Variants in TPST2 observed in about 807,000 individuals in gnomAD.
TPST2 encodes the protein tyrosylprotein sulfotransferase 2.
TPST2 carries 16 observed loss-of-function variants against 27.8 expected under a neutral mutation model. That is an observed-to-expected ratio of 0.58 (90% CI 0.39 to 0.88). TPST2 has a LOEUF of 0.88. Ranked by LOEUF, TPST2 falls within the 40% of genes least tolerant of loss-of-function variation. The probability of loss-of-function intolerance (pLI) is 0.00; values close to 1 mark genes in which losing one functional copy is unlikely to be tolerated. For missense variants in TPST2, 464 were observed against 543.1 expected (o/e 0.85, Z 1.45); for synonymous variants, 229 against 231.7 (o/e 0.99, Z 0.10).
At chr22:26,579,829 T>C (rs1928021443) in intron 1 of TPST2, among the ~76,000 whole-genome samples, 1 of 129,300 alleles carries the variant, frequency 7.7e-6, no homozygotes, top group African/African-American at 3.0e-5. Context: ...AGGATGTAGA[T>C]GGGGAGAGAG....
chr22:26,546,755 G>A (rs1926147867), intron 1 of TPST2, among the ~76,000 whole-genome samples: 1 of 152,256 alleles, frequency 6.6e-6, no homozygotes, highest in Admixed American at 6.5e-5. Flanking sequence ...AGTGGCTACT[G>A]TACTGGACAG....
intron 1 of TPST2, chr22:26,555,397 C>G: frequency 2.7e-6 from 1 of 372,868 alleles, no homozygotes; most frequent in East Asian, 7.3e-5. Context: ...GTTGGACAGA[C>G]CCAGGCGATC....
At chr22:26,534,953 T>G (rs1340327683) in intron 4 of TPST2, among the ~76,000 whole-genome samples, 1 of 152,186 alleles carries the variant, frequency 6.6e-6, no homozygotes, top group East Asian at 1.9e-4. Flanking sequence ...ACGTTGAATC[T>G]CTGAGTATTT....
At chr22:26,555,147 G>C in intron 1 of TPST2, 1 of 532,130 alleles carries the variant, frequency 1.9e-6, no homozygotes, top group Non-Finnish European at 3.8e-6. Flanking sequence ...ACGTGGAGCT[G>C]AGGGAATTTG....
intron 1 of TPST2, among the ~76,000 whole-genome samples, chr22:26,545,007 G>A (rs1298202757): frequency 1.3e-5 from 2 of 152,126 alleles, no homozygotes; most frequent in African/African-American, 2.4e-5. Context: ...TGGACTCCAG[G>A]AAAAGTAAAT....
At chr22:26,583,616 G>A (rs1403974836) in intron 1 of TPST2, among the ~76,000 whole-genome samples, 1 of 151,844 alleles carries the variant, frequency 6.6e-6, no homozygotes, top group Non-Finnish European at 1.5e-5. Flanking sequence ...AGCACTTTGG[G>A]AGGCCAAGGC....
At chr22:26,569,689 C>T (rs1454040578) in intron 1 of TPST2, among the ~76,000 whole-genome samples, 2 of 150,866 alleles carry the variant, frequency 1.3e-5, no homozygotes, top group Admixed American at 6.6e-5. Flanking sequence ...GTGGCTCATG[C>T]CTGTAATCCC....
At chr22:26,583,701 G>A (rs895062362) in intron 1 of TPST2, among the ~76,000 whole-genome samples, 5 of 151,878 alleles carry the variant, frequency 3.3e-5, no homozygotes, top group Admixed American at 1.3e-4. Flanking sequence ...TTAGCTGGGC[G>A]TGGTGGCATG....
intron 1 of TPST2, among the ~76,000 whole-genome samples, chr22:26,581,917 A>G (rs796233193): frequency 1.3e-5 from 2 of 152,230 alleles, no homozygotes; most frequent in South Asian, 4.1e-4. Context: ...CAGCAGCCAC[A>G]GACAAAATGT....
intron 6 of TPST2, among the ~76,000 whole-genome samples, chr22:26,526,995 T>C (rs1261451285): frequency 6.6e-6 from 1 of 152,128 alleles, no homozygotes; most frequent in African/African-American, 2.4e-5. Flanking sequence ...CGAGAGTCAC[T>C]TGAACCCCAG....
At chr22:26,530,242 GTGT>G (rs1925077826) in intron 5 of TPST2, among the ~76,000 whole-genome samples, 1 of 152,034 alleles carries the variant, frequency 6.6e-6, no homozygotes, top group South Asian at 2.1e-4. Flanking sequence ...CAACTCCTGC[GTGT>G]TGCCTTTTTT....
At chr22:26,527,771 C>T (rs986700525) in intron 6 of TPST2, among the ~76,000 whole-genome samples, 7 of 152,330 alleles carry the variant, frequency 4.6e-5, no homozygotes, top group South Asian at 2.1e-4. Flanking sequence ...CCTGGCCCAA[C>T]GGCCATGGGG....
At chr22:26,568,396 C>T (rs1056909593) in intron 1 of TPST2, among the ~76,000 whole-genome samples, 3 of 152,162 alleles carry the variant, frequency 2.0e-5, no homozygotes, top group African/African-American at 7.2e-5. Context: ...GGGTTGCATT[C>T]CCAAGAGGTC....
At chr22:26,572,656 G>A (rs972846858) in intron 1 of TPST2, among the ~76,000 whole-genome samples, 4 of 152,006 alleles carry the variant, frequency 2.6e-5, no homozygotes, top group Admixed American at 2.6e-4. Flanking sequence ...ACCCTCCTAT[G>A]TCTCACAGTC....
chr22:26,544,280 C>T (rs112937747), intron 2 of TPST2, among the ~76,000 whole-genome samples: 3,356 of 152,256 alleles, frequency 0.022, 123 homozygotes, highest in African/African-American at 0.077. Flanking sequence ...GACACAACAG[C>T]GTTTGGGTTC....
At chr22:26,587,247 C>T (rs1008903374) in intron 1 of TPST2, among the ~76,000 whole-genome samples, 5 of 152,180 alleles carry the variant, frequency 3.3e-5, no homozygotes, top group South Asian at 4.1e-4. Flanking sequence ...TGGGAAGATC[C>T]GAGCAGCTTC....
rs780280233 is a variant in TPST2, at chr22:26,541,195, C to A, written c.436G>T (p.Ala146Ser). 1 of 1,588,652 alleles carries A rather than the reference C, an allele frequency of 6.3e-7. No homozygotes were observed. Among genetic ancestry groups the A allele is most frequent in the South Asian group, 1.2e-5 (1 of 86,692 alleles). ...ACGCGGGCCGGCTCTCCGTGCTTGG[C>A]AATCACCTCCAGGATGAAGGCCTGC... The part of the protein sequence containing the change: ...AMQAFILEVI[A>S]KHGEPARVLC... The change falls in exon 3 of 7, where the codon GCC (alanine) becomes TCC (serine). Residue 146 changes from alanine to serine, a missense_variant. Transcript: ENST00000338754. The surrounding 1 kb of genome is among the most constrained non-coding windows in gnomAD (Gnocchi z 5.9).
At chr22:26,578,053 T>C (rs1302989595) in intron 1 of TPST2, among the ~76,000 whole-genome samples, 1 of 152,214 alleles carries the variant, frequency 6.6e-6, no homozygotes, top group Non-Finnish European at 1.5e-5. Context: ...TCAAAATGTA[T>C]TATTATCTTT....
chr22:26,536,304 A>C lies in TPST2; in HGVS notation c.1025T>G (p.Ile342Ser), dbSNP rs1925460862. Residue 342 changes from isoleucine (I) to serine (S), a missense_variant, in exon 4 of 7, where the codon ATC (isoleucine) becomes AGC (serine). Transcript: ENST00000338754. The stretch of plus-strand genomic sequence containing the variant: ...CACACTCACCCGCTGTGTGTTGTTG[A>C]TGACGAAGGGGTCAGGGTTGCCATA... Reference protein sequence around the residue: ...PNYGNPDPFVINNTQRVLKGD... With the variant: ...PNYGNPDPFVSNNTQRVLKGD... 6.2e-7 allele frequency: 1 copy of C among 1,614,140 alleles called. No individual in the cohort carries two copies. Among genetic ancestry groups the C allele is most frequent in the Admixed American group, 1.7e-5 (1 of 60,022 alleles).
Sources: gnomAD v4.1 joint callset for allele counts (sites outside exome capture counted in the v4.1 genomes callset) on GRCh38, gnomAD v4.1.1 for gene constraint, Gnocchi (gnomAD v3.1) non-coding constraint, MANE v1.5 for transcripts, NCBI Gene and HGNC (gene_info 2026-07-23, HGNC 2026-07-21) for gene names.